The following LRRK2 variants were observed in gnomAD, a reference collection of about 807,000 sequenced individuals.
LRRK2 encodes leucine-rich repeat serine/threonine-protein kinase 2.
In LRRK2, 203 loss-of-function variants were observed where a neutral mutation model predicts 302.6. The ratio of observed to expected loss-of-function variants is 0.67; its 90% CI spans 0.60 to 0.75. LRRK2 has a LOEUF of 0.75. Among genes scored for constraint, LRRK2 ranks in the 30% least tolerant of loss-of-function variants. The pLI is 0.00. For missense variants in LRRK2, 2,830 were observed against 2,951.0 expected, an observed-to-expected ratio of 0.96 and a Z score of 0.95; for synonymous variants, 1,066 against 1,031.9, an observed-to-expected ratio of 1.03 and a Z score of -0.63.
chr12:40,340,195 A>G, intron 40 of LRRK2, 99 bp from the exon 41 acceptor site: 1 of 1,224,632 alleles, frequency 8.2e-7, no homozygotes, highest in South Asian at 1.4e-5. Context: ...AGAATTTTTG[A>G]TGCTTGACAT....
rs1945421759 is a variant in LRRK2, at chr12:40,322,163, G to A, written c.5299G>A (p.Val1767Ile). The change falls in exon 36 of 51, where the codon GTT (valine) becomes ATT (isoleucine). Residue 1767 changes from valine to isoleucine, a missense_variant. Around this residue, in one of 3 missense-constraint regions of LRRK2, gnomAD observed 2,121 missense variants for 2,148.0 expected, o/e 0.99. Transcript: ENST00000298910. ...NHPESFLKIT[V>I]PSCRKGCILL... ...TCCAGAGAGTTTCTTAAAAATTACA[G>A]TTCCTTCTTGTAGAAAAGGTAAGGA... The A allele has an allele frequency of 6.2e-7, 1 of 1,611,498 alleles. No homozygotes were observed.
chr12:40,264,352 G>A (rs1477804242), intron 14 of LRRK2, among the ~76,000 whole-genome samples: 1 of 152,182 alleles, frequency 6.6e-6, no homozygotes, highest in Non-Finnish European at 1.5e-5. Context: ...TGGGCACAGT[G>A]GCCCACACCT....
In LRRK2 at chr12:40,302,773, A is replaced by AT. The variant is rs201739149; in HGVS notation, c.3497-8dup. The AT allele has an allele frequency of 5.0e-5, 76 of 1,518,048 alleles. No individual in the cohort carries two copies. The highest frequency in any genetic ancestry group is 2.1e-4 in the South Asian group (19 of 89,022). 94.0% of individuals were successfully genotyped at this position (1,518,048 alleles called of 1,614,324 possible). ...TTAAAATGATTAAAATGTTTATCTC[A>AT]TTTTTTTTCTTTTAGCTGCTATGCC... is the stretch of plus-strand genomic sequence containing the variant. On this transcript the variant is annotated splice_polypyrimidine_tract_variant and intron_variant, in intron 25 of 50. Transcript: ENST00000298910.
chr12:40,311,087 A>C (rs976359359), intron 31 of LRRK2, among the ~76,000 whole-genome samples: 2 of 151,908 alleles, frequency 1.3e-5, no homozygotes, highest in African/African-American at 2.4e-5. Flanking sequence ...TTTTATGGAC[A>C]TCTTGATCTT....
intron 40 of LRRK2, among the ~76,000 whole-genome samples, chr12:40,339,705 T>C (rs1362480607): frequency 6.6e-6 from 1 of 152,158 alleles, no homozygotes; most frequent in Non-Finnish European, 1.5e-5. Flanking sequence ...AAGAGACTAA[T>C]AGCAAGCAAA....
rs1485030188 is a variant in LRRK2, at chr12:40,356,108, C to CT, written c.6771-3dup. The CT allele has an allele frequency of 6.2e-7, 1 of 1,604,122 alleles. No homozygotes were observed. Among genetic ancestry groups the CT allele is most frequent in the Admixed American group, 1.7e-5 (1 of 59,588 alleles). ...TTTTGTAACAATTTCAACATTTTTC[C>CT]TTTTAGCAAACAAAAAAATTTTCTT... On this transcript the variant is annotated splice_polypyrimidine_tract_variant and splice_region_variant and intron_variant, in intron 45 of 50. Coordinates refer to ENST00000298910, the MANE Select transcript of LRRK2 (RefSeq NM_198578.4).
chr12:40,294,947 A>G, intron 22 of LRRK2, 33 bp downstream of exon 22: 2 of 1,312,622 alleles, frequency 1.5e-6, no homozygotes, highest in South Asian at 1.3e-5. Flanking sequence ...AAGTAAATAG[A>G]TATTTTGGGC....
At chr12:40,354,529 A>C (rs764628960) in intron 45 of LRRK2, 37 bp downstream of exon 45, 1 of 1,566,086 alleles carries the variant, frequency 6.4e-7, no homozygotes, top group Non-Finnish European at 8.8e-7. Context: ...GAAATTACAG[A>C]TCTTTTAAAC....
At chr12:40,331,522 T>C (rs1321489974) in intron 39 of LRRK2, among the ~76,000 whole-genome samples, 1 of 152,154 alleles carries the variant, frequency 6.6e-6, no homozygotes, top group Non-Finnish European at 1.5e-5. Flanking sequence ...CTGGGCCGTA[T>C]TGGAAGAAGA....
intron 6 of LRRK2, among the ~76,000 whole-genome samples, chr12:40,241,655 A>C (rs1244733384): frequency 6.6e-6 from 1 of 152,228 alleles, no homozygotes; most frequent in East Asian, 1.9e-4. Context: ...TAAGTGTTCT[A>C]AAATCACTGA....
chr12:40,282,707 G>A (rs1292226011), intron 18 of LRRK2, among the ~76,000 whole-genome samples: 2 of 152,116 alleles, frequency 1.3e-5, no homozygotes, highest in South Asian at 2.1e-4. Flanking sequence ...GAAGGTGGGC[G>A]TACTTGGAGA....
chr12:40,352,786 A>C (rs1946395287), intron 44 of LRRK2, among the ~76,000 whole-genome samples: 1 of 151,924 alleles, frequency 6.6e-6, no homozygotes, highest in African/African-American at 2.4e-5. Context: ...GGGCAAGGTC[A>C]TAGATCAACA....
chr12:40,369,002 T>C lies in LRRK2; in HGVS notation c.*1237T>C, dbSNP rs202007818. 2.6e-5 allele frequency: 4 copies of C among 151,944 alleles called. No individual in the cohort carries two copies. Among genetic ancestry groups the C allele is most frequent in the Admixed American group, 6.6e-5 (1 of 15,192 alleles). The allele number at this position is 151,944 out of a possible 1,614,324, so 9.4% of individuals were successfully genotyped here. A position where few individuals can be genotyped will look rare whatever the true frequency, so the allele number is the denominator to read the frequency against. The stretch of plus-strand genomic sequence containing the variant: ...CCTGTGATAGGACAACTAGTACATT[T>C]AATATTCTCAGAACTTATGGCATTT... On this transcript the variant is annotated 3_prime_UTR_variant, in exon 51 of 51. Transcript: ENST00000298910.
intron 43 of LRRK2, among the ~76,000 whole-genome samples, chr12:40,350,323 C>A (rs2136988815): frequency 6.6e-6 from 1 of 152,298 alleles, no homozygotes. Flanking sequence ...GTCTTCAGGG[C>A]AAGTCTGGCT....
intron 39 of LRRK2, among the ~76,000 whole-genome samples, chr12:40,329,766 G>C (rs1252738351): frequency 1.3e-5 from 2 of 152,110 alleles, no homozygotes; most frequent in African/African-American, 2.4e-5. Flanking sequence ...TAGAGATGGA[G>C]TCTCATTAGG....
chr12:40,330,596 C>T (rs1021458091), intron 39 of LRRK2, among the ~76,000 whole-genome samples: 2 of 151,968 alleles, frequency 1.3e-5, no homozygotes, highest in African/African-American at 4.8e-5. Flanking sequence ...TTATTTCCTC[C>T]CTAACATTTA....
chr12:40,316,884 G>A (rs181505086), intron 33 of LRRK2, among the ~76,000 whole-genome samples: 34 of 152,142 alleles, frequency 2.2e-4, no homozygotes, highest in Non-Finnish European at 3.2e-4. Flanking sequence ...CCTAGCTGGC[G>A]CACAATAGTT....
intron 14 of LRRK2, among the ~76,000 whole-genome samples, chr12:40,267,472 A>G (rs1300802918): frequency 6.7e-6 from 1 of 149,852 alleles, no homozygotes; most frequent in African/African-American, 2.5e-5. Flanking sequence ...ACAGCCGTAT[A>G]GATAACTGGT....
intron 16 of LRRK2, among the ~76,000 whole-genome samples, chr12:40,277,211 T>C (rs750318181): frequency 1.3e-5 from 2 of 152,102 alleles, no homozygotes; most frequent in Non-Finnish European, 2.9e-5. Context: ...TAAATAATAC[T>C]AAAGTCAAAA....
Sources: gnomAD v4.1 joint callset for allele counts (sites outside exome capture counted in the v4.1 genomes callset) on GRCh38, gnomAD v4.1.1 for gene constraint, gnomAD v4.1.1 regional missense constraint, MANE v1.5 for transcripts, NCBI Gene and HGNC (gene_info 2026-07-23, HGNC 2026-07-21) for gene names.